The following NAA80 variants were observed in gnomAD, a reference collection of about 807,000 sequenced individuals.
NAA80 encodes N-alpha-acetyltransferase 80.
NAA80 carries 5 observed loss-of-function variants against 8.7 expected under a neutral mutation model. The observed-to-expected ratio is 0.58, with a 90% CI of 0.30 to 1.21. NAA80 has a LOEUF of 1.21. Ranked by LOEUF, NAA80 falls within the 50% of genes most tolerant of loss-of-function variation. The pLI is 0.07. For missense variants in NAA80, 360 were observed against 368.6 expected, an observed-to-expected ratio of 0.98 and a Z score of 0.19; for synonymous variants, 149 against 156.6, an observed-to-expected ratio of 0.95 and a Z score of 0.36.
Position 50,297,486 on chromosome 3 carries a change from G to A in NAA80, c.-23C>T. ...CATCCGGTGTGTAGGGTCTAGTGTA[G>A]GGGTCAGCTTGGCTGGGCCAGGGCT... On this transcript the variant is annotated 5_prime_UTR_variant, in exon 2 of 2. Transcript: ENST00000443094. The surrounding 1 kb of genome is among the most constrained non-coding windows in gnomAD (Gnocchi z 4.3). 1 of 1,566,164 alleles carries A rather than the reference G, an allele frequency of 6.4e-7. No homozygotes were observed. The highest frequency in any genetic ancestry group is 8.7e-7 in the Non-Finnish European group (1 of 1,152,652).
rs139103508 is a variant in NAA80, at chr3:50,297,745, G to T, written c.-209-73C>A. 411 of 1,321,638 alleles carry T rather than the reference G, an allele frequency of 3.1e-4. No individual in the cohort carries two copies. In the African/African-American group the frequency reaches 5.5e-3, roughly 18 times the overall value. The allele number at this position is 1,321,638 out of a possible 1,614,324, so 81.9% of individuals were successfully genotyped here. A position where few individuals can be genotyped will look rare whatever the true frequency, so the allele number is the denominator to read the frequency against. Reference sequence around the variant, plus strand: ...TGGAGCAGGGAAGGGCTGACAGAGTGCAGGGGGGACCATGCATACTGGAAC... The same window carrying T: ...TGGAGCAGGGAAGGGCTGACAGAGTTCAGGGGGGACCATGCATACTGGAAC... On this transcript the variant is annotated intron_variant, in intron 1 of 1. Transcript: ENST00000443094. The surrounding 1 kb of genome is among the most constrained non-coding windows in gnomAD (Gnocchi z 4.3).
In NAA80 at chr3:50,296,700, G is replaced by A. The variant is rs1559809786; in HGVS notation, c.764C>T (p.Pro255Leu). 1 of 1,613,802 alleles carries A rather than the reference G, an allele frequency of 6.2e-7. No homozygotes were observed. Among genetic ancestry groups the A allele is most frequent in the Non-Finnish European group, 8.5e-7 (1 of 1,179,852 alleles). The change falls in exon 2 of 2, where the codon CCC (proline) becomes CTC (leucine). Residue 255 changes from proline (P) to leucine (L), a missense_variant. Coordinates refer to ENST00000443094, the MANE Select transcript of NAA80 (RefSeq NM_001200016.2). Reference protein sequence around the residue: ...PPLPECLTISPPVPSGPPSKS... With the variant: ...PPLPECLTISLPVPSGPPSKS... ...TGAAGGGGGCCCTGATGGAACTGGG[G>A]GTGAGATGGTCAGGCACTCAGGTAG... is the stretch of plus-strand genomic sequence containing the variant.
rs1701984906 is a variant in NAA80 at position 50,298,808 on chromosome 3, G to A, written c.-210+405C>T. On this transcript the variant is annotated intron_variant, in intron 1 of 1. Transcript: ENST00000443094. ...CACCTCCCACACCATTCACAGGGCT[G>A]TAAGCCCCTCACCTGCATCAGCCAC... The A allele has an allele frequency of 2.6e-6, 3 of 1,152,164 alleles. No individual in the cohort carries two copies. In the African/African-American group the frequency reaches 4.8e-5, roughly 18 times the overall value. 71.4% of individuals were successfully genotyped at this position (1,152,164 alleles called of 1,614,324 possible).
At position 50,298,922 on chromosome 3, in the gene NAA80, A is replaced by AC. The variant is rs1250134668; in HGVS notation, c.-210+290dup. 7.2e-6 allele frequency: 10 copies of AC among 1,386,486 alleles called. No individual in the cohort carries two copies. The Admixed American group carries it at 2.4e-4, about 33-fold the overall frequency. 85.9% of individuals were successfully genotyped at this position (1,386,486 alleles called of 1,614,324 possible). A position where few individuals can be genotyped will look rare whatever the true frequency, so the allele number is the denominator to read the frequency against. On this transcript the variant is annotated intron_variant, in intron 1 of 1. Coordinates refer to ENST00000443094, the MANE Select transcript of NAA80 (RefSeq NM_001200016.2). ...AGCCCGGGGCTTCCCCGCGGCCTTA[A>AC]CCCCTTCAGTGCCGACCCCACCCAC...
At position 50,296,654 on chromosome 3, in the gene NAA80, T is replaced by C. The variant is rs781870766; in HGVS notation, c.810A>G (p.Gln270=). 4 of 1,613,900 alleles carry C rather than the reference T, an allele frequency of 2.5e-6. No homozygotes were observed. The highest frequency in any genetic ancestry group is 1.1e-5 in the South Asian group (1 of 91,066). ...TGGGGCGCCCCCTCACATTTTGATA[T>C]TGTGTCTCCAGCAGGCTTTTTGAAG... The part of the protein sequence containing the change: ...GPPSKSLLET[Q]YQNVRGRPIF... Residue 270 remains glutamine, a synonymous_variant, in exon 2 of 2, where the codon CAA becomes CAG. Transcript: ENST00000443094.
intron 1 of NAA80, chr3:50,298,707 G>C (rs1317132190): frequency 1.0e-5 from 10 of 972,048 alleles, no homozygotes; most frequent in Non-Finnish European, 1.2e-5. Context: ...TCCAGAGGGG[G>C]CCTCCTGGCT....
At chr3:50,298,681 CCTT>C (rs1181350866) in intron 1 of NAA80, 4 of 880,646 alleles carry the variant, frequency 4.5e-6, no homozygotes, top group Non-Finnish European at 5.5e-6. Flanking sequence ...TGAGCCCCCT[CCTT>C]CTACTCACCT....
In NAA80 at chr3:50,297,512, C is replaced by T. The variant is rs782615056; in HGVS notation, c.-49G>A. On this transcript the variant is annotated 5_prime_UTR_variant, in exon 2 of 2. Coordinates refer to ENST00000443094, the MANE Select transcript of NAA80 (RefSeq NM_001200016.2). The surrounding 1 kb of genome is among the most constrained non-coding windows in gnomAD (Gnocchi z 4.3). The stretch of plus-strand genomic sequence containing the variant: ...GGGTCAGCTTGGCTGGGCCAGGGCT[C>T]AGAGTCAGCTCTTGCCTATGCACAG... The T allele has an allele frequency of 6.5e-7, 1 of 1,541,726 alleles. No individual in the cohort carries two copies. The highest frequency in any genetic ancestry group is 8.8e-7 in the Non-Finnish European group (1 of 1,140,804).
Position 50,297,450 on chromosome 3 carries a change from A to G in NAA80, c.14T>C (p.Leu5Pro). 4 of 1,607,582 alleles carry G rather than the reference A, an allele frequency of 2.5e-6. No homozygotes were observed. The highest frequency in any genetic ancestry group is 2.2e-5 in the East Asian group (1 of 44,852). The change falls in exon 2 of 2, where the codon CTG (leucine) becomes CCG (proline). Residue 5 changes from leucine (L) to proline (P), a missense_variant. Physicochemically the swap from Leu to Pro is moderately conservative, Grantham distance 98 (BLOSUM62 -3). Coordinates refer to ENST00000443094, the MANE Select transcript of NAA80 (RefSeq NM_001200016.2). This position sits in a 1 kb window ranked among gnomAD's most constrained non-coding sequence, Gnocchi z 4.3. ...AGTCAGCTCAGCTGGGCTGGTACTC[A>G]GGATCAGCTCCATCCGGTGTGTAGG... MELILSTSPAELTLD... is the reference protein window; with the variant it reads MELIPSTSPAELTLD...
rs1553711264 is a variant in NAA80, at chr3:50,296,817, G to A, written c.647C>T (p.Pro216Leu). The A allele has an allele frequency of 6.3e-7, 1 of 1,579,990 alleles. No individual in the cohort carries two copies. The highest frequency in any genetic ancestry group is 1.4e-5 in the African/African-American group (1 of 73,872). Residue 216 changes from proline to leucine, a missense_variant, in exon 2 of 2, where the codon CCC becomes CTC. Pro to Leu is a moderately conservative substitution (Grantham distance 98, BLOSUM62 -3). Transcript: ENST00000443094. ...ATLLNAFPTA[P>L]SPRPPRKAPN... Reference sequence around the variant, plus strand: ...GGCCTTCCTGGGTGGCCGGGGAGAGGGGGCTGTGGGGAAGGCATTAAGCAG... The same window carrying A: ...GGCCTTCCTGGGTGGCCGGGGAGAGAGGGCTGTGGGGAAGGCATTAAGCAG...
rs1415491712 is a variant in NAA80, at chr3:50,297,420, T to C, written c.44A>G (p.Asp15Gly). ...LSTSPAELTL[D>G]PACQPKLPLD... ...GGGCAGCTTTGGCTGGCACGCAGGATCCAGAGTCAGCTCAGCTGGGCTGGT... is the reference window on the plus strand; with the variant it reads ...GGGCAGCTTTGGCTGGCACGCAGGACCCAGAGTCAGCTCAGCTGGGCTGGT... The change falls in exon 2 of 2, where the codon GAT (aspartate) becomes GGT (glycine). Residue 15 changes from aspartate to glycine, a missense_variant. Coordinates refer to ENST00000443094, the MANE Select transcript of NAA80 (RefSeq NM_001200016.2). This position sits in a 1 kb window ranked among gnomAD's most constrained non-coding sequence, Gnocchi z 4.3. The C allele has an allele frequency of 5.0e-6, 8 of 1,612,878 alleles. No homozygotes were observed. The highest frequency in any genetic ancestry group is 2.2e-5 in the East Asian group (1 of 44,886).
chr3:50,298,135 C>A (rs2109295049), intron 1 of NAA80: 1 of 980,626 alleles, frequency 1.0e-6, no homozygotes, highest in Non-Finnish European at 1.2e-6. Flanking sequence ...CCTGCTCAAA[C>A]CTACCCAAGG....
Position 50,299,310 on chromosome 3 carries a change from G to A in NAA80, c.-307C>T. ...TCGGACTCCTCGGTCCGACAACGTT[G>A]GCCCCCAGCGGTGCGGCGGATGTTC... On this transcript the variant is annotated 5_prime_UTR_variant, in exon 1 of 2. Coordinates refer to ENST00000443094, the MANE Select transcript of NAA80 (RefSeq NM_001200016.2). 1.2e-6 allele frequency: 2 copies of A among 1,607,616 alleles called. No homozygotes were observed. The highest frequency in any genetic ancestry group is 1.7e-6 in the Non-Finnish European group (2 of 1,177,970).
rs1553711489 is a variant in NAA80, at chr3:50,297,279, AG to A, written c.184del (p.Leu62TrpfsTer44). 1 of 1,606,254 alleles carries A rather than the reference AG, an allele frequency of 6.2e-7. No individual in the cohort carries two copies. The highest frequency in any genetic ancestry group is 2.2e-5 in the East Asian group (1 of 44,712). On this transcript the variant is annotated frameshift_variant, in exon 2 of 2. Coordinates refer to ENST00000443094, the MANE Select transcript of NAA80 (RefSeq NM_001200016.2). LOFTEE classifies it high-confidence loss of function. The surrounding 1 kb of genome is among the most constrained non-coding windows in gnomAD (Gnocchi z 4.3). ...TPAPSLAELTLEPVHRRPELL... is the reference protein window; with the variant it reads ...TPAPSLAELTXEPVHRRPELL... ...CTCGGGTCGGCGGTGCACAGGCTCC[AG>A]GGTCAACTCAGCCAGGCTAGGAGCT...
In NAA80 at chr3:50,296,987, G is replaced by A. The variant is rs1701875685; in HGVS notation, c.477C>T (p.Gly159=). The A allele has an allele frequency of 6.4e-7, 1 of 1,573,280 alleles. No individual in the cohort carries two copies. The highest frequency in any genetic ancestry group is 2.2e-5 in the East Asian group (1 of 44,708). ...CCCGGGCCCGAGCAAAGACCTCCAG[G>A]CCCTCCATGAGGCGGCGGCCAAAGC... is the stretch of plus-strand genomic sequence containing the variant. ...GRGFGRRLME[G]LEVFARARGF... is the part of the protein sequence containing the mutation. Residue 159 remains glycine (G), a synonymous_variant, in exon 2 of 2, where the codon GGC becomes GGT. Coordinates refer to ENST00000443094, the MANE Select transcript of NAA80 (RefSeq NM_001200016.2).
In NAA80 at chr3:50,297,490, T is replaced by C; in HGVS notation, c.-27A>G. The C allele has an allele frequency of 4.5e-6, 7 of 1,555,718 alleles. No homozygotes were observed. The highest frequency in any genetic ancestry group is 6.1e-6 in the Non-Finnish European group (7 of 1,147,358). On this transcript the variant is annotated 5_prime_UTR_variant, in exon 2 of 2. Coordinates refer to ENST00000443094, the MANE Select transcript of NAA80 (RefSeq NM_001200016.2). This position sits in a 1 kb window ranked among gnomAD's most constrained non-coding sequence, Gnocchi z 4.3. ...CGGTGTGTAGGGTCTAGTGTAGGGG[T>C]CAGCTTGGCTGGGCCAGGGCTCAGA...
rs782650389 is a variant in NAA80 at position 50,296,699 on chromosome 3, G to A, written c.765C>T (p.Pro255=). 3 of 1,613,818 alleles carry A rather than the reference G, an allele frequency of 1.9e-6. No individual in the cohort carries two copies. In the East Asian group the frequency reaches 6.7e-5, roughly 36 times the overall value. Residue 255 remains proline (P), a synonymous_variant, in exon 2 of 2, where the codon CCC becomes CCT. Transcript: ENST00000443094. ...PPLPECLTIS[P]PVPSGPPSKS... ...TTGAAGGGGGCCCTGATGGAACTGG[G>A]GGTGAGATGGTCAGGCACTCAGGTA...
In NAA80 at chr3:50,296,690, T is replaced by C; in HGVS notation, c.774A>G (p.Pro258=). The C allele has an allele frequency of 1.2e-6, 2 of 1,611,606 alleles. No individual in the cohort carries two copies. The highest frequency in any genetic ancestry group is 1.1e-5 in the South Asian group (1 of 90,998). ...PECLTISPPV[P]SGPPSKSLLE... is the part of the protein sequence containing the mutation. ...GCAGGCTTTTTGAAGGGGGCCCTGA[T>C]GGAACTGGGGGTGAGATGGTCAGGC... is the stretch of plus-strand genomic sequence containing the variant. Residue 258 remains proline, a synonymous_variant, in exon 2 of 2, where the codon CCA becomes CCG. Coordinates refer to ENST00000443094, the MANE Select transcript of NAA80 (RefSeq NM_001200016.2).
chr3:50,298,640 G>A (rs1448024731), intron 1 of NAA80, among the ~76,000 whole-genome samples: 1 of 152,118 alleles, frequency 6.6e-6, no homozygotes, highest in Non-Finnish European at 1.5e-5. Context: ...GCAGGTCTAT[G>A]CTGGGGGTTT....
Sources: allele counts gnomAD v4.1 joint callset (sites outside exome capture counted in the v4.1 genomes callset), GRCh38; gene constraint gnomAD v4.1.1; non-coding constraint Gnocchi (gnomAD v3.1); transcripts MANE v1.5; gene names NCBI Gene and HGNC (gene_info 2026-07-23, HGNC 2026-07-21).